SRGAP3: variants seen among roughly 807,000 people sequenced by gnomAD.
SRGAP3 encodes SLIT-ROBO Rho GTPase activating protein 3.
SRGAP3 carries 39 observed loss-of-function variants against 121.1 expected under a neutral mutation model. The ratio of observed to expected loss-of-function variants is 0.32; its 90% CI spans 0.25 to 0.42. The LOEUF (loss-of-function observed/expected upper bound fraction) is 0.42. SRGAP3 is among the 10% of genes least tolerant of loss of function. The pLI, the probability that SRGAP3 is intolerant of heterozygous loss-of-function variation, is 1.00. For synonymous variants in SRGAP3, 601 were observed against 570.0 expected (o/e 1.05, Z -0.77); for missense variants, 1,213 against 1,470.6 (o/e 0.82, Z 2.86).
chr3:9,117,992 T>C (rs141174966), intron 2 of SRGAP3, among the ~76,000 whole-genome samples: 223 of 151,950 alleles, frequency 1.5e-3, no homozygotes, highest in African/African-American at 5.2e-3. Context: ...AAATTTCAGA[T>C]GTGGTGGCAT....
intron 1 of SRGAP3, among the ~76,000 whole-genome samples, chr3:9,237,962 A>C (rs1953475696): frequency 6.6e-6 from 1 of 152,138 alleles, no homozygotes; most frequent in Admixed American, 6.5e-5. Context: ...CTCAACTAGG[A>C]GTGATTTTGT....
intron 3 of SRGAP3, among the ~76,000 whole-genome samples, chr3:9,295,535 AG>A (rs1180189296): frequency 1.3e-5 from 2 of 152,234 alleles, no homozygotes; most frequent in Non-Finnish European, 2.9e-5. Flanking sequence ...CTAAAATGAC[AG>A]CAAAGGCATA....
At chr3:9,020,973 G>C (rs1420086087) in intron 14 of SRGAP3, among the ~76,000 whole-genome samples, 1 of 152,252 alleles carries the variant, frequency 6.6e-6, no homozygotes, top group Non-Finnish European at 1.5e-5. Context: ...GCTGTGCCCA[G>C]GGCAGAGACT....
chr3:9,057,465 C>T (rs1209120523), intron 7 of SRGAP3, among the ~76,000 whole-genome samples: 1 of 152,228 alleles, frequency 6.6e-6, no homozygotes, highest in South Asian at 2.1e-4. Flanking sequence ...GCAGACACAG[C>T]AGTGCAGCCC....
intron 10 of SRGAP3, among the ~76,000 whole-genome samples, chr3:9,039,586 T>C (rs1015792875): frequency 6.6e-6 from 1 of 152,218 alleles, no homozygotes. Context: ...AGAATTCAGT[T>C]TGAAAATATT....
chr3:9,316,169 C>T (rs534193158), intron 3 of SRGAP3, among the ~76,000 whole-genome samples: 1 of 152,208 alleles, frequency 6.6e-6, no homozygotes, highest in African/African-American at 2.4e-5. Flanking sequence ...ATGCCTCAGC[C>T]ATCCAAGTTG....
intron 1 of SRGAP3, among the ~76,000 whole-genome samples, chr3:9,245,498 A>G (rs575459082): frequency 6.6e-6 from 1 of 152,316 alleles, no homozygotes; most frequent in Admixed American, 6.5e-5. Context: ...CAGGGGTTAT[A>G]TTCCCAGGCT....
intron 1 of SRGAP3, among the ~76,000 whole-genome samples, chr3:9,337,362 C>T (rs1212015730): frequency 2.6e-5 from 4 of 152,144 alleles, no homozygotes; most frequent in Non-Finnish European, 4.4e-5. Flanking sequence ...GAAATATGGA[C>T]TTATTATCTG....
At chr3:9,234,800 G>T (rs1428233910) in intron 1 of SRGAP3, among the ~76,000 whole-genome samples, 1 of 152,196 alleles carries the variant, frequency 6.6e-6, no homozygotes, top group Non-Finnish European at 1.5e-5. Flanking sequence ...GAGCAACAAG[G>T]AGGAAAGGAA....
intron 3 of SRGAP3, among the ~76,000 whole-genome samples, chr3:9,101,671 T>C (rs1480647288): frequency 6.6e-6 from 1 of 152,204 alleles, no homozygotes; most frequent in Non-Finnish European, 1.5e-5. Flanking sequence ...AGAGTTCTAG[T>C]AACATCCTTT....
intron 1 of SRGAP3, 62 bp downstream of exon 1, chr3:9,248,823 A>G (rs1316378505): frequency 6.5e-7 from 1 of 1,541,330 alleles, no homozygotes; most frequent in Non-Finnish European, 9.0e-7. Flanking sequence ...GGGGGATGGG[A>G]ACCAGAACAA....
intron 3 of SRGAP3, among the ~76,000 whole-genome samples, chr3:9,308,116 C>G (rs1452533268): frequency 6.6e-6 from 1 of 152,222 alleles, no homozygotes; most frequent in Non-Finnish European, 1.5e-5. Context: ...GATCATGCCA[C>G]TGCACTCCAG....
chr3:9,311,318 A>ATACACG (rs1955240398), intron 3 of SRGAP3, among the ~76,000 whole-genome samples: 1 of 152,242 alleles, frequency 6.6e-6, no homozygotes, highest in Admixed American at 6.5e-5. Context: ...ATACATTTCA[A>ATACACG]TACACGTAAA....
intron 10 of SRGAP3, among the ~76,000 whole-genome samples, chr3:9,046,728 C>G (rs991283666): frequency 6.6e-6 from 1 of 152,188 alleles, no homozygotes; most frequent in Non-Finnish European, 1.5e-5. Flanking sequence ...CTCTGAGGCC[C>G]TGGATTCCCA....
intron 5 of SRGAP3, among the ~76,000 whole-genome samples, chr3:9,062,647 T>C (rs1436351581): frequency 6.6e-6 from 1 of 152,232 alleles, no homozygotes; most frequent in Non-Finnish European, 1.5e-5. Context: ...GTGACTGACT[T>C]CTTTCATTTA....
chr3:9,237,766 G>A (rs566949477), intron 1 of SRGAP3, among the ~76,000 whole-genome samples: 10 of 152,338 alleles, frequency 6.6e-5, no homozygotes, highest in East Asian at 5.8e-4. Flanking sequence ...TGAGCACAGC[G>A]TGGCTTTCTA....
chr3:9,269,700 C>T (rs1409899496), intron 3 of SRGAP3, among the ~76,000 whole-genome samples: 1 of 152,130 alleles, frequency 6.6e-6, no homozygotes, highest in Non-Finnish European at 1.5e-5. Context: ...AAACAGTTAT[C>T]CCAAGAGAGG....
chr3:9,156,751 C>T (rs1950429950), intron 1 of SRGAP3, among the ~76,000 whole-genome samples: 2 of 152,088 alleles, frequency 1.3e-5, no homozygotes, highest in South Asian at 2.1e-4. Context: ...AAGAACTGCA[C>T]TGGCAGGGAA....
intron 1 of SRGAP3, among the ~76,000 whole-genome samples, chr3:9,195,324 T>C (rs1038070187): frequency 6.6e-6 from 1 of 152,192 alleles, no homozygotes; most frequent in Non-Finnish European, 1.5e-5. Flanking sequence ...CTCACAACGT[T>C]CCTAAAAACG....
Sources: allele counts gnomAD v4.1 joint callset (sites outside exome capture counted in the v4.1 genomes callset), GRCh38; gene constraint gnomAD v4.1.1; transcripts MANE v1.5; gene names NCBI Gene and HGNC (gene_info 2026-07-23, HGNC 2026-07-21).